Variants in TTN observed in about 807,000 individuals in gnomAD.
The protein encoded by TTN is connectin.
Under a neutral mutation model 3,223.0 loss-of-function variants are expected in TTN, and 1,525 were observed. That is an observed-to-expected ratio of 0.47 (90% CI 0.45 to 0.49). TTN has a LOEUF of 0.49. TTN is among the 20% of genes least tolerant of loss of function. The pLI is 0.00. For missense variants in TTN, 40,786 were observed against 43,424.0 expected (o/e 0.94, Z 5.40); for synonymous variants, 14,094 against 15,161.0 (o/e 0.93, Z 5.17).
chr2:178,612,872 C>T lies in TTN; in HGVS notation c.49849G>A (p.Glu16617Lys). Residue 16617 changes from glutamate (E) to lysine (K), a missense_variant, in exon 265 of 363, where the codon GAA becomes AAA. Coordinates refer to ENST00000589042, the MANE Select transcript of TTN (RefSeq NM_001267550.2). ...TTQHLLPGLM[E>K]GQEYSFRVRA... ...ACTCGGAATGAGTATTCCTGTCCTT[C>T]CATGAGCCCTGGGAGCAAGTGCTGA... 6.2e-7 allele frequency: 1 copy of T among 1,612,616 alleles called. No homozygotes were observed. The highest frequency in any genetic ancestry group is 8.5e-7 in the Non-Finnish European group (1 of 1,179,234).
Position 178,740,812 on chromosome 2 carries a change from G to C in TTN, c.12421C>G (p.Gln4141Glu). ...FLCINGSIHF[Q>E]PLKEPSPNLQ... is the part of the protein sequence containing the mutation. ...TTGGGAGATGGTTCCTTGAGAGGCT[G>C]AAAGTGAATACTGCCATTGATGCAA... is the stretch of plus-strand genomic sequence containing the variant. Residue 4141 changes from glutamine to glutamate, a missense_variant, in exon 48 of 363, where the codon CAG becomes GAG. Physicochemically the swap from Gln to Glu is conservative, Grantham distance 29 (BLOSUM62 2). Coordinates refer to ENST00000589042, the MANE Select transcript of TTN (RefSeq NM_001267550.2). 1 of 1,613,626 alleles carries C rather than the reference G, an allele frequency of 6.2e-7. No individual in the cohort carries two copies. The highest frequency in any genetic ancestry group is 1.1e-5 in the South Asian group (1 of 91,064).
In TTN at chr2:178,571,961, G is replaced by A. The variant is rs528199512; in HGVS notation, c.74171C>T (p.Thr24724Ile). Residue 24724 changes from threonine (T) to isoleucine (I), a missense_variant, in exon 326 of 363, where the codon ACT (threonine) becomes ATT (isoleucine). Transcript: ENST00000589042. ...GTCTTCACCTGCCAGTACAGTGAAA[G>A]TATTGAACAGGAGTTTGAAGGCTGG... Reference protein sequence around the residue: ...IPPAFKLLFNTFTVLAGEDLK... With the variant: ...IPPAFKLLFNIFTVLAGEDLK... The A allele has an allele frequency of 6.2e-7, 1 of 1,613,330 alleles. No individual in the cohort carries two copies.
chr2:178,756,260 C>T lies in TTN; in HGVS notation c.11216G>A (p.Gly3739Glu), dbSNP rs371678138. 3.7e-6 allele frequency: 6 copies of T among 1,613,434 alleles called. No individual in the cohort carries two copies. Among genetic ancestry groups the T allele is most frequent in the Non-Finnish European group, 5.1e-6 (6 of 1,179,470 alleles). The change falls in exon 46 of 363, where the codon GGA (glycine) becomes GAA (glutamate). Residue 3739 changes from glycine to glutamate, a missense_variant. Transcript: ENST00000589042. Reference sequence around the variant, plus strand: ...TAGTACTGCTGACGTTGTCCTCTCTCCACAGTCATTGTGTACAATGCAGCT... The same window carrying T: ...TAGTACTGCTGACGTTGTCCTCTCTTCACAGTCATTGTGTACAATGCAGCT... ...LYSCIVHNDC[G>E]ERTTSAVLSV... is the part of the protein sequence containing the mutation.
intron 214 of TTN, 76 bp from the exon 215 acceptor site, chr2:178,647,220 C>T: frequency 8.8e-7 from 1 of 1,138,156 alleles, no homozygotes; most frequent in Non-Finnish European, 1.2e-6. Context: ...ACATATCAAC[C>T]TAGTTACATT....
At position 178,571,831 on chromosome 2, in the gene TTN, T is replaced by C; in HGVS notation, c.74301A>G (p.Thr24767=). The C allele has an allele frequency of 6.2e-7, 1 of 1,613,628 alleles. No individual in the cohort carries two copies. Among genetic ancestry groups the C allele is most frequent in the South Asian group, 1.1e-5 (1 of 91,078 alleles). Residue 24767 remains threonine (T), a synonymous_variant, in exon 326 of 363, where the codon ACA becomes ACG. Transcript: ENST00000589042. ...TTATTGTCAGTAGTGAATTATTTTCTGTGCTCTCTGCATTTACTCTAGTTG... is the reference window on the plus strand; with the variant it reads ...TTATTGTCAGTAGTGAATTATTTTCCGTGCTCTCTGCATTTACTCTAGTTG... The part of the protein sequence containing the change: ...KQTTRVNAES[T]ENNSLLTIKD...
At position 178,532,636 on chromosome 2, in the gene TTN, T is replaced by C. The variant is rs747114300; in HGVS notation, c.103979A>G (p.Asp34660Gly). ...ATCAATGGGGAGGAGTAATTCTTCATCAGAGATGTCCCCAAGAGAACGTCT... is the reference window on the plus strand; with the variant it reads ...ATCAATGGGGAGGAGTAATTCTTCACCAGAGATGTCCCCAAGAGAACGTCT... Reference protein sequence around the residue: ...PRRRSLGDISDEELLLPIDDY... With the variant: ...PRRRSLGDISGEELLLPIDDY... The change falls in exon 358 of 363, where the codon GAT becomes GGT. Residue 34660 changes from aspartate to glycine, a missense_variant. Physicochemically the swap from Asp to Gly is moderately conservative, Grantham distance 94. Transcript: ENST00000589042. 2 of 1,613,936 alleles carry C rather than the reference T, an allele frequency of 1.2e-6. No homozygotes were observed. Among genetic ancestry groups the C allele is most frequent in the Non-Finnish European group, 1.7e-6 (2 of 1,179,862 alleles).
Position 178,566,695 on chromosome 2 carries a change from A to G in TTN, c.79437T>C (p.Tyr26479=), listed in dbSNP as rs977743373. ...GTTTGAACACAGGATCACAGGCTTT[A>G]TAATAAACTGTAGCTGGACTTGGTT... is the stretch of plus-strand genomic sequence containing the variant. ...VGEPSPATVY[Y]KACDPVFKPG... is the part of the protein sequence containing the mutation. Residue 26479 remains tyrosine, a synonymous_variant, in exon 326 of 363, where the codon TAT becomes TAC. Transcript: ENST00000589042. The G allele has an allele frequency of 1.2e-6, 2 of 1,613,426 alleles. No homozygotes were observed. Among genetic ancestry groups the G allele is most frequent in the South Asian group, 1.1e-5 (1 of 91,082 alleles).
At chr2:178,650,723 G>A in intron 209 of TTN, 28 bp downstream of exon 209, 2 of 1,563,430 alleles carry the variant, frequency 1.3e-6, no homozygotes, top group Non-Finnish European at 1.7e-6. Context: ...CAAGTGGCAA[G>A]GTCATTAATC....
intron 335 of TTN, 46 bp from the exon 336 acceptor site, chr2:178,551,306 AG>A: frequency 6.6e-7 from 1 of 1,515,496 alleles, no homozygotes; most frequent in Non-Finnish European, 8.9e-7. Context: ...ATTTGTAACC[AG>A]GTCTTAATCA....
In TTN at chr2:178,723,504, A is replaced by C. The variant is rs781566455; in HGVS notation, c.21596T>G (p.Ile7199Ser). The C allele has an allele frequency of 6.2e-7, 1 of 1,613,264 alleles. No individual in the cohort carries two copies. The highest frequency in any genetic ancestry group is 1.3e-5 in the African/African-American group (1 of 74,900). The change falls in exon 74 of 363, where the codon ATT becomes AGT. Residue 7199 changes from isoleucine to serine, a missense_variant. Physicochemically the swap from Ile to Ser is moderately radical, Grantham distance 142. Coordinates refer to ENST00000589042, the MANE Select transcript of TTN (RefSeq NM_001267550.2). ...GTATTCCCCACTCTGAGATATGTCAATATTAAATAATTCCAGTTCTGCCAC... is the reference window on the plus strand; with the variant it reads ...GTATTCCCCACTCTGAGATATGTCACTATTAAATAATTCCAGTTCTGCCAC... The part of the protein sequence containing the change: ...DTVAELELFN[I>S]DISQSGEYTC...
chr2:178,583,901 G>A lies in TTN; in HGVS notation c.65281C>T (p.Pro21761Ser), dbSNP rs762680180. ...ACATCAATAACCTCAGGTTTCCCAG[G>A]AGGATCTAAAACAAAAAGAGGTACA... ...YVTARMPVDP[P>S]GKPEVIDVTK... Residue 21761 changes from proline (P) to serine (S), a missense_variant, in exon 312 of 363, where the codon CCT (proline) becomes TCT (serine). By Grantham distance (74) the Pro-to-Ser change is moderately conservative. Transcript: ENST00000589042. 16 of 1,565,450 alleles carry A rather than the reference G, an allele frequency of 1.0e-5. No individual in the cohort carries two copies. The South Asian group carries it at 1.1e-4, about 10-fold the overall frequency.
chr2:178,694,381 TA>T (rs927691127), intron 117 of TTN: 2 of 462,378 alleles, frequency 4.3e-6, no homozygotes, highest in Non-Finnish European at 7.6e-6. Context: ...TTCTTTATAA[TA>T]AAAAAATGTA....
chr2:178,703,297 A>C lies in TTN; in HGVS notation c.30224-634T>G, dbSNP rs187637734. Among the ~76,000 whole-genome samples, 269 of 152,328 alleles carry C rather than the reference A, an allele frequency of 1.8e-3. 5 individuals are homozygous for C. The South Asian group carries it at 0.024, about 14-fold the overall frequency. ...AGTACCATAAAGTCTTAGAAATCAC[A>C]GTACTCTGGTGAGCTCTATTTACTA... On this transcript the variant is annotated intron_variant, in intron 106 of 362. Coordinates refer to ENST00000589042, the MANE Select transcript of TTN (RefSeq NM_001267550.2).
intron 99 of TTN, 97 bp from the exon 100 acceptor site, chr2:178,707,910 G>A: frequency 7.8e-7 from 1 of 1,282,622 alleles, no homozygotes; most frequent in South Asian, 1.5e-5. Flanking sequence ...GCCTCTAACA[G>A]GTAACACTGT....
At position 178,553,913 on chromosome 2, in the gene TTN, C is replaced by T. The variant is rs1131691873; in HGVS notation, c.89197+1G>A. 1 of 1,589,456 alleles carries T rather than the reference C, an allele frequency of 6.3e-7. No individual in the cohort carries two copies. The highest frequency in any genetic ancestry group is 1.7e-5 in the Admixed American group (1 of 58,160). On this transcript the variant is annotated splice_donor_variant, in intron 333 of 362. Coordinates refer to ENST00000589042, the MANE Select transcript of TTN (RefSeq NM_001267550.2). LOFTEE classifies it high-confidence loss of function. ...AAGATGCTGCAGGTATGAGCACTTA[C>T]CAATAGGATCAGCAGCTTTGTAGAA...
In TTN at chr2:178,601,413, T is replaced by C. The variant is rs746159329; in HGVS notation, c.55584A>G (p.Lys18528=). 2 of 1,612,836 alleles carry C rather than the reference T, an allele frequency of 1.2e-6. No homozygotes were observed. The highest frequency in any genetic ancestry group is 1.7e-6 in the Non-Finnish European group (2 of 1,179,302). The change falls in exon 287 of 363, where the codon AAA becomes AAG. Residue 18528 remains lysine (K), a synonymous_variant. Coordinates refer to ENST00000589042, the MANE Select transcript of TTN (RefSeq NM_001267550.2). ...TGGTGCTTCCACAGTCTGGATTGAC[T>C]TTGGTCCAGGCTTTTCCATCAATAG... ...KRTIDGKAWT[K]VNPDCGSTTF... is the part of the protein sequence containing the mutation.
chr2:178,684,347 G>T lies in TTN; in HGVS notation c.32705C>A (p.Ala10902Glu). The T allele has an allele frequency of 6.2e-7, 1 of 1,613,348 alleles. No individual in the cohort carries two copies. Among genetic ancestry groups the T allele is most frequent in the Non-Finnish European group, 8.5e-7 (1 of 1,179,538 alleles). ...GGATGTACCTCTTGCTTTTGGAGGC[G>T]CCTCTTTTTTAGTTACAGCAACAAG... ...KVLVAVTKKEAPPKARVPEEP... is the reference protein window; with the variant it reads ...KVLVAVTKKEEPPKARVPEEP... The change falls in exon 132 of 363, where the codon GCG becomes GAG. Residue 10902 changes from alanine (A) to glutamate (E), a missense_variant. By Grantham distance (107) the Ala-to-Glu change is moderately radical. Transcript: ENST00000589042.
rs1379791737 is a variant in TTN at position 178,551,878 on chromosome 2, A to T, written c.91022T>A (p.Met30341Lys). 5 of 1,613,794 alleles carry T rather than the reference A, an allele frequency of 3.1e-6. No homozygotes were observed. In the Admixed American group the frequency reaches 8.3e-5, roughly 27 times the overall value. Residue 30341 changes from methionine (M) to lysine (K), a missense_variant, in exon 335 of 363, where the codon ATG becomes AAG. Coordinates refer to ENST00000589042, the MANE Select transcript of TTN (RefSeq NM_001267550.2). ...AACTGGAGCATCCCAAGTTAGTGAC[A>T]TGCCATCAGAAGTCACATTGTATAT... ...PVIYNVTSDG[M>K]SLTWDAPVYD...
intron 69 of TTN, 59 bp from the exon 70 acceptor site, chr2:178,726,105 T>A: frequency 6.7e-7 from 1 of 1,486,270 alleles, no homozygotes; most frequent in Non-Finnish European, 8.9e-7. Context: ...AATGAAAATT[T>A]TTTATTTGTC....
Sources: allele counts gnomAD v4.1 joint callset (sites outside exome capture counted in the v4.1 genomes callset), GRCh38; gene constraint gnomAD v4.1.1; transcripts MANE v1.5; gene names NCBI Gene and HGNC (gene_info 2026-07-23, HGNC 2026-07-21).